CADM2: variants seen among roughly 807,000 people sequenced by gnomAD.
CADM2 encodes the protein immunoglobulin superfamily member 4D.
CADM2 carries 12 observed loss-of-function variants against 49.8 expected under a neutral mutation model. The ratio of observed to expected loss-of-function variants is 0.24; its 90% CI spans 0.15 to 0.39. The LOEUF (loss-of-function observed/expected upper bound fraction) is 0.39, where lower values mean the gene tolerates loss of function less well. Ranked by LOEUF, CADM2 falls within the 10% of genes least tolerant of loss-of-function variation. CADM2 has a pLI of 1.00. For missense variants in CADM2, 378 were observed against 492.3 expected (o/e 0.77, Z 2.20); for synonymous variants, 214 against 175.4 (o/e 1.22, Z -1.74).
At chr3:85,617,827 T>A (rs1373539046) in intron 1 of CADM2, among the ~76,000 whole-genome samples, 1 of 152,128 alleles carries the variant, frequency 6.6e-6, no homozygotes, top group Non-Finnish European at 1.5e-5. Flanking sequence ...AAACCAAATA[T>A]ACATTTCACA....
intron 1 of CADM2, among the ~76,000 whole-genome samples, chr3:85,371,677 G>GTGTGTATATATATATA (rs1251505613): frequency 5.3e-5 from 5 of 95,124 alleles, no homozygotes; most frequent in Admixed American, 2.5e-4. Context: ...GTGTGTGTGT[G>GTGTGTATATATATATA]TATATATATA....
intron 8 of CADM2, among the ~76,000 whole-genome samples, chr3:86,043,231 G>A (rs1736190883): frequency 6.6e-6 from 1 of 152,126 alleles, no homozygotes; most frequent in Non-Finnish European, 1.5e-5. Context: ...TCTGGCCAGG[G>A]CAATCAGGCA....
At chr3:85,943,857 G>C (rs780400507) in intron 7 of CADM2, among the ~76,000 whole-genome samples, 1 of 152,160 alleles carries the variant, frequency 6.6e-6, no homozygotes, top group Non-Finnish European at 1.5e-5. Context: ...AGTAGAAACT[G>C]CATCAACTAA....
intron 1 of CADM2, among the ~76,000 whole-genome samples, chr3:85,321,183 A>AAG (rs200464117): frequency 0.034 from 3,241 of 96,196 alleles, 169 homozygotes; most frequent in East Asian, 0.16. Flanking sequence ...GAGAGAAAGA[A>AAG]AGAGAGAGAG....
At chr3:85,209,205 A>T (rs1236450325) in intron 1 of CADM2, among the ~76,000 whole-genome samples, 1 of 152,164 alleles carries the variant, frequency 6.6e-6, no homozygotes, top group Non-Finnish European at 1.5e-5. Flanking sequence ...GATATTTAAG[A>T]TCTACAATTT....
intron 1 of CADM2, among the ~76,000 whole-genome samples, chr3:85,365,198 A>AT (rs1491587351): frequency 1.4e-4 from 7 of 48,658 alleles, no homozygotes; most frequent in African/African-American, 3.1e-4. Flanking sequence ...TTTTTTTTTT[A>AT]CTTTTTTTTT....
At chr3:86,012,616 G>A in intron 8 of CADM2, 1 of 1,583,108 alleles carries the variant, frequency 6.3e-7, no homozygotes, top group Non-Finnish European at 8.6e-7. Flanking sequence ...AGTCCGACCT[G>A]GCCTTCTTCA....
intron 1 of CADM2, among the ~76,000 whole-genome samples, chr3:85,181,101 T>C (rs1334809732): frequency 1.3e-5 from 2 of 152,102 alleles, no homozygotes; most frequent in Non-Finnish European, 2.9e-5. Context: ...CTCAGTGATT[T>C]TGAAGAGAAT....
At chr3:85,929,463 A>C (rs150602279) in intron 6 of CADM2, among the ~76,000 whole-genome samples, 79 of 152,140 alleles carry the variant, frequency 5.2e-4, no homozygotes, top group Non-Finnish European at 1.0e-3. Flanking sequence ...TGTAAGGAAA[A>C]GTTTGGATGA....
chr3:85,171,265 C>A (rs1196167175), intron 1 of CADM2, among the ~76,000 whole-genome samples: 1 of 152,086 alleles, frequency 6.6e-6, no homozygotes, highest in Non-Finnish European at 1.5e-5. Flanking sequence ...ACTTCAATAT[C>A]CACTATAAGG....
chr3:85,871,589 C>A (rs2075930546), intron 3 of CADM2, among the ~76,000 whole-genome samples: 1 of 152,044 alleles, frequency 6.6e-6, no homozygotes, highest in Non-Finnish European at 1.5e-5. Context: ...AGAAATAATG[C>A]TAGTGTAAGT....
intron 1 of CADM2, among the ~76,000 whole-genome samples, chr3:85,646,785 T>C (rs919790552): frequency 1.3e-5 from 2 of 151,842 alleles, no homozygotes; most frequent in African/African-American, 2.4e-5. Context: ...AGCCGGGAAA[T>C]AAAATATTAT....
At chr3:85,979,241 A>G (rs760149085) in intron 8 of CADM2, 4 of 1,610,956 alleles carry the variant, frequency 2.5e-6, no homozygotes, top group Non-Finnish European at 2.5e-6. Context: ...TGTAGCCATA[A>G]CAACCAGCCC....
intron 1 of CADM2, among the ~76,000 whole-genome samples, chr3:85,439,147 T>C (rs1031211910): frequency 6.9e-6 from 1 of 145,676 alleles, no homozygotes; most frequent in Non-Finnish European, 1.5e-5. Context: ...AATAATGACT[T>C]ATAATGACTT....
intron 1 of CADM2, among the ~76,000 whole-genome samples, chr3:85,440,887 G>A (rs1259911952): frequency 6.6e-6 from 1 of 152,008 alleles, no homozygotes; most frequent in Non-Finnish European, 1.5e-5. Flanking sequence ...GAGGCTGAGA[G>A]AGGAGAATAG....
chr3:85,529,371 T>C (rs913585504), intron 1 of CADM2, among the ~76,000 whole-genome samples: 3 of 152,182 alleles, frequency 2.0e-5, no homozygotes, highest in African/African-American at 7.2e-5. Flanking sequence ...TAAGGTGACA[T>C]TTGGATACAT....
Position 84,959,452 on chromosome 3 carries a change from G to A in CADM2, c.-156G>A, listed in dbSNP as rs2030224259. 3.1e-6 allele frequency: 2 copies of A among 645,376 alleles called. No homozygotes were observed. The highest frequency in any genetic ancestry group is 6.0e-5 in the Admixed American group (2 of 33,204). 40.0% of individuals were successfully genotyped at this position (645,376 alleles called of 1,614,324 possible). ...TGCCGCTGCCGCTTCTGCTGCCGCC[G>A]ATCCGAGTCCGCGGGTTCGAACACC... On this transcript the variant is annotated 5_prime_UTR_variant, in exon 1 of 10. Coordinates refer to ENST00000383699, the MANE Select transcript of CADM2 (RefSeq NM_001167675.2).
intron 5 of CADM2, among the ~76,000 whole-genome samples, chr3:85,897,854 A>G (rs1715465407): frequency 6.6e-6 from 1 of 152,160 alleles, no homozygotes; most frequent in African/African-American, 2.4e-5. Context: ...AGAGGAAGAG[A>G]TTTGTGTCCC....
At chr3:85,958,401 G>C (rs1724331734) in intron 7 of CADM2, among the ~76,000 whole-genome samples, 2 of 152,048 alleles carry the variant, frequency 1.3e-5, no homozygotes, top group South Asian at 2.1e-4. Flanking sequence ...ATTTCTCAAG[G>C]ATCTAGAACC....
Sources: gnomAD v4.1 joint callset for allele counts (sites outside exome capture counted in the v4.1 genomes callset) on GRCh38, gnomAD v4.1.1 for gene constraint, MANE v1.5 for transcripts, NCBI Gene and HGNC (gene_info 2026-07-23, HGNC 2026-07-21) for gene names.